Variants in RABGAP1L observed in about 807,000 individuals in gnomAD.
The protein encoded by RABGAP1L is RAB GTPase activating protein 1 like.
RABGAP1L carries 63 observed loss-of-function variants against 137.7 expected under a neutral mutation model. That is an observed-to-expected ratio of 0.46 (90% CI 0.37 to 0.56). The LOEUF is 0.56. RABGAP1L is among the 20% of genes least tolerant of loss of function. The pLI is 0.00. For missense variants in RABGAP1L, 1,095 were observed against 1,244.0 expected (o/e 0.88, Z 1.80); for synonymous variants, 431 against 433.7 (o/e 0.99, Z 0.08).
chr1:174,558,216 G>A (rs916435210), intron 13 of RABGAP1L, among the ~76,000 whole-genome samples: 1 of 152,170 alleles, frequency 6.6e-6, no homozygotes, highest in Non-Finnish European at 1.5e-5. Flanking sequence ...TTTTCCCACA[G>A]TTCAGTTGTA....
At chr1:174,545,859 T>C (rs949722240) in intron 13 of RABGAP1L, 1 of 152,258 alleles carries the variant, frequency 6.6e-6, no homozygotes, top group African/African-American at 2.4e-5. Flanking sequence ...GCTTAATGTA[T>C]TGCTTTGTGC....
intron 14 of RABGAP1L, among the ~76,000 whole-genome samples, chr1:174,674,262 C>A (rs1022975957): frequency 7.3e-6 from 1 of 136,932 alleles, no homozygotes; most frequent in Non-Finnish European, 1.5e-5. Context: ...CAACAGTCCC[C>A]AGAGTGTGAT....
At chr1:174,514,964 T>A (rs895681091) in intron 13 of RABGAP1L, among the ~76,000 whole-genome samples, 1 of 152,304 alleles carries the variant, frequency 6.6e-6, no homozygotes, top group Non-Finnish European at 1.5e-5. Context: ...TAAGAAATTT[T>A]AAAAATGTTC....
intron 19 of RABGAP1L, among the ~76,000 whole-genome samples, chr1:174,914,440 C>A (rs549417526): frequency 6.6e-6 from 1 of 152,082 alleles, no homozygotes; most frequent in African/African-American, 2.4e-5. Context: ...AGATAGATAA[C>A]CACAAGCCCA....
At chr1:174,762,444 CT>C (rs111237682) in intron 18 of RABGAP1L, among the ~76,000 whole-genome samples, 5 of 152,322 alleles carry the variant, frequency 3.3e-5, no homozygotes, top group African/African-American at 1.2e-4. Flanking sequence ...TTCCATTTAG[CT>C]TTACTACGTT....
At chr1:174,780,594 G>A (rs1009446229) in intron 18 of RABGAP1L, among the ~76,000 whole-genome samples, 2 of 151,872 alleles carry the variant, frequency 1.3e-5, no homozygotes, top group African/African-American at 4.8e-5. Flanking sequence ...TATACTTTAA[G>A]TTCTAGGGTA....
chr1:174,525,120 A>G (rs1201587401), intron 13 of RABGAP1L, among the ~76,000 whole-genome samples: 1 of 152,064 alleles, frequency 6.6e-6, no homozygotes, highest in East Asian at 1.9e-4. Flanking sequence ...TGCTTTGGCC[A>G]TCCTGGCTCT....
chr1:174,196,530 CT>C (rs1558023029), intron 1 of RABGAP1L, among the ~76,000 whole-genome samples: 2 of 151,042 alleles, frequency 1.3e-5, no homozygotes, highest in African/African-American at 4.9e-5. Context: ...TTTCTTAATC[CT>C]TTTATTCTTT....
intron 11 of RABGAP1L, among the ~76,000 whole-genome samples, chr1:174,364,544 G>A (rs1365043733): frequency 1.3e-5 from 2 of 151,946 alleles, no homozygotes; most frequent in Admixed American, 6.6e-5. Context: ...GTGAGCCACC[G>A]CGCCCGGCCT....
At chr1:174,416,047 T>A (rs1650556004) in intron 13 of RABGAP1L, among the ~76,000 whole-genome samples, 1 of 140,396 alleles carries the variant, frequency 7.1e-6, no homozygotes, top group Non-Finnish European at 1.5e-5. Flanking sequence ...CACACACATT[T>A]TTTTTTTCCT....
At chr1:174,528,253 T>C (rs900841829) in intron 13 of RABGAP1L, among the ~76,000 whole-genome samples, 3 of 152,162 alleles carry the variant, frequency 2.0e-5, no homozygotes, top group Non-Finnish European at 4.4e-5. Context: ...CATTGTGTTT[T>C]GGTGGTTTTC....
intron 13 of RABGAP1L, among the ~76,000 whole-genome samples, chr1:174,506,071 C>G (rs1291334006): frequency 6.6e-6 from 1 of 152,112 alleles, no homozygotes; most frequent in Non-Finnish European, 1.5e-5. Context: ...TGATCTCTTA[C>G]GTGCAATCTA....
At chr1:174,726,685 A>T (rs1682013597) in intron 17 of RABGAP1L, among the ~76,000 whole-genome samples, 1 of 152,116 alleles carries the variant, frequency 6.6e-6, no homozygotes. Context: ...ACTTTTTGTC[A>T]TTCCTTCTCT....
intron 11 of RABGAP1L, among the ~76,000 whole-genome samples, chr1:174,336,854 T>C (rs1371545616): frequency 1.2e-5 from 1 of 82,006 alleles, no homozygotes; most frequent in Admixed American, 1.0e-4. Flanking sequence ...TGTTTATAAA[T>C]GTGTGTGTGT....
At position 174,575,177 on chromosome 1, in the gene RABGAP1L, A is replaced by G. The variant is rs192101846; in HGVS notation, c.1711-62198A>G. Reference sequence around the variant, plus strand: ...ACTCCCGACCTCAGGTGATCCACCCACCTCGGCCTCCCAAAGTGCTGGGAT... The same window carrying G: ...ACTCCCGACCTCAGGTGATCCACCCGCCTCGGCCTCCCAAAGTGCTGGGAT... On this transcript the variant is annotated intron_variant, in intron 13 of 25. Coordinates refer to ENST00000681986, the MANE Select transcript of RABGAP1L (RefSeq NM_001366446.1). Among the ~76,000 whole-genome samples, 137 of 152,104 alleles carry G rather than the reference A, an allele frequency of 9.0e-4. 1 individual carries two copies. In the East Asian group the frequency reaches 0.021, roughly 23 times the overall value.
chr1:174,203,525 T>C (rs1668284747), intron 1 of RABGAP1L, among the ~76,000 whole-genome samples: 1 of 152,236 alleles, frequency 6.6e-6, no homozygotes, highest in Non-Finnish European at 1.5e-5. Context: ...TAGTATAGTT[T>C]GAAGTTGGGT....
intron 13 of RABGAP1L, among the ~76,000 whole-genome samples, chr1:174,554,275 T>C (rs2147996326): frequency 6.6e-6 from 1 of 152,338 alleles, no homozygotes; most frequent in South Asian, 2.1e-4. Flanking sequence ...AGAAAGGCTA[T>C]TTCCCTTTTC....
intron 19 of RABGAP1L, among the ~76,000 whole-genome samples, chr1:174,881,373 A>G (rs1654170706): frequency 1.3e-5 from 2 of 152,040 alleles, no homozygotes; most frequent in African/African-American, 4.8e-5. Context: ...AAACTTTCTG[A>G]AGATATTTAG....
chr1:174,652,613 G>T (rs1214006546), intron 14 of RABGAP1L, among the ~76,000 whole-genome samples: 1 of 152,150 alleles, frequency 6.6e-6, no homozygotes, highest in African/African-American at 2.4e-5. Flanking sequence ...GTTTGCCTGC[G>T]TATCACCAGC....
Sources: gnomAD v4.1 joint callset for allele counts (sites outside exome capture counted in the v4.1 genomes callset) on GRCh38, gnomAD v4.1.1 for gene constraint, MANE v1.5 for transcripts, NCBI Gene and HGNC (gene_info 2026-07-23, HGNC 2026-07-21) for gene names.